Variants in DLG2 observed in about 807,000 individuals in gnomAD.
DLG2 encodes the protein discs large MAGUK scaffold protein 2.
Under a neutral mutation model 132.5 loss-of-function variants are expected in DLG2, and 45 were observed. The observed-to-expected ratio is 0.34, with a 90% CI of 0.27 to 0.44. DLG2 has a LOEUF of 0.44. Among genes scored for constraint, DLG2 ranks in the 20% least tolerant of loss-of-function variants. The pLI is 1.00. For synonymous variants in DLG2, 424 were observed against 419.6 expected (o/e 1.01, Z -0.13); for missense variants, 1,045 against 1,196.9 (o/e 0.87, Z 1.87).
At chr11:84,972,416 A>G (rs1199946560) in intron 6 of DLG2, among the ~76,000 whole-genome samples, 2 of 152,252 alleles carry the variant, frequency 1.3e-5, no homozygotes, top group African/African-American at 4.8e-5. Context: ...TCAGTTTTGA[A>G]GGGAGCTGGT....
intron 3 of DLG2, among the ~76,000 whole-genome samples, chr11:85,498,036 A>C (rs1483711239): frequency 2.0e-5 from 3 of 152,166 alleles, no homozygotes; most frequent in Non-Finnish European, 4.4e-5. Flanking sequence ...AGGCAAAATA[A>C]CCAGCTACCA....
intron 19 of DLG2, among the ~76,000 whole-genome samples, chr11:83,577,149 A>G (rs1341844301): frequency 1.3e-5 from 2 of 152,010 alleles, no homozygotes; most frequent in Admixed American, 1.3e-4. Flanking sequence ...CTCCCAGCCT[A>G]CATCTTTCTC....
chr11:84,102,560 C>T (rs1224774753), intron 9 of DLG2, among the ~76,000 whole-genome samples: 2 of 152,256 alleles, frequency 1.3e-5, no homozygotes, highest in South Asian at 4.1e-4. Flanking sequence ...TAATAAGACA[C>T]AACTGTTCAG....
At chr11:83,790,092 G>A in intron 17 of DLG2, 3 of 1,022,254 alleles carry the variant, frequency 2.9e-6, no homozygotes, top group Non-Finnish European at 4.3e-6. Flanking sequence ...GAGTGTACCT[G>A]CATGAACCGA....
intron 6 of DLG2, among the ~76,000 whole-genome samples, chr11:85,002,939 C>G (rs2058340572): frequency 6.6e-6 from 1 of 151,860 alleles, no homozygotes; most frequent in East Asian, 1.9e-4. Context: ...TTTCTATTCT[C>G]CAGCTTAATT....
chr11:84,590,217 G>A (rs144504966), intron 6 of DLG2, among the ~76,000 whole-genome samples: 1 of 152,130 alleles, frequency 6.6e-6, no homozygotes, highest in South Asian at 2.1e-4. Flanking sequence ...GTCCAAATGG[G>A]ATCAGCTCCT....
intron 6 of DLG2, among the ~76,000 whole-genome samples, chr11:84,658,114 CCCTTCTTCCTT>C (rs1274856227): frequency 1.3e-5 from 2 of 152,054 alleles, no homozygotes; most frequent in African/African-American, 4.8e-5. Context: ...GCTTCTTTCT[CCCTTCTTCCTT>C]CCTTCTTACT....
intron 16 of DLG2, among the ~76,000 whole-genome samples, chr11:83,850,421 G>A (rs138055878): frequency 1.3e-5 from 2 of 152,110 alleles, no homozygotes; most frequent in Non-Finnish European, 2.9e-5. Context: ...CCAAAGTGCT[G>A]GGATTACAGT....
chr11:83,773,215 C>T (rs2094465137), intron 18 of DLG2, among the ~76,000 whole-genome samples: 1 of 152,162 alleles, frequency 6.6e-6, no homozygotes, highest in African/African-American at 2.4e-5. Context: ...AGTTGTGTGA[C>T]CTTGAGCGAG....
intron 6 of DLG2, among the ~76,000 whole-genome samples, chr11:84,900,438 T>C (rs910501956): frequency 7.2e-5 from 11 of 152,194 alleles, no homozygotes; most frequent in East Asian, 1.9e-4. Context: ...GTCTTCAAGA[T>C]ACTTTTACTC....
chr11:84,631,047 C>T (rs1297275133), intron 6 of DLG2, among the ~76,000 whole-genome samples: 2 of 148,994 alleles, frequency 1.3e-5, no homozygotes, highest in Admixed American at 1.3e-4. Flanking sequence ...CACACACACA[C>T]ACACACACAC....
intron 18 of DLG2, among the ~76,000 whole-genome samples, chr11:83,668,867 A>ATATATTT (rs768513119): frequency 9.1e-6 from 1 of 110,376 alleles, no homozygotes; most frequent in African/African-American, 3.6e-5. Flanking sequence ...ATATATATAT[A>ATATATTT]TTTTTTTTTT....
intron 17 of DLG2, among the ~76,000 whole-genome samples, chr11:83,832,762 A>C (rs2054931765): frequency 6.6e-6 from 1 of 152,120 alleles, no homozygotes; most frequent in South Asian, 2.1e-4. Context: ...TAAAAGTTGA[A>C]ATTATTAAAA....
chr11:84,930,219 T>G (rs1284168301), intron 6 of DLG2, among the ~76,000 whole-genome samples: 1 of 152,160 alleles, frequency 6.6e-6, no homozygotes, highest in African/African-American at 2.4e-5. Flanking sequence ...ATGTATTATT[T>G]GTATTGCCCA....
At chr11:84,781,495 G>A (rs1440892134) in intron 6 of DLG2, among the ~76,000 whole-genome samples, 1 of 151,804 alleles carries the variant, frequency 6.6e-6, no homozygotes, top group East Asian at 1.9e-4. Flanking sequence ...AGAATACTAA[G>A]AGGAAAACGA....
intron 6 of DLG2, among the ~76,000 whole-genome samples, chr11:84,644,754 C>T (rs1036428773): frequency 1.3e-5 from 2 of 149,252 alleles, no homozygotes; most frequent in East Asian, 3.9e-4. Flanking sequence ...ATTTTTTAAG[C>T]AGACCAAGAA....
rs139116138 is a variant in DLG2 at position 85,432,096 on chromosome 11, A to G, written c.41-146731T>C. ...TACCGAAGAGGAACCTGACTGTTGA[A>G]AGAAAAACAAACAAACAGAAAGCAA... On this transcript the variant is annotated intron_variant, in intron 3 of 27. Coordinates refer to ENST00000376104, the MANE Select transcript of DLG2 (RefSeq NM_001142699.3). Among the ~76,000 whole-genome samples the G allele has an allele frequency of 8.0e-3, 1,212 of 152,344 alleles. 11 individuals are homozygous for G. The highest frequency in any genetic ancestry group is 8.9e-3 in the Non-Finnish European group (606 of 68,036).
At chr11:85,464,209 G>A (rs2092709427) in intron 3 of DLG2, among the ~76,000 whole-genome samples, 2 of 152,090 alleles carry the variant, frequency 1.3e-5, no homozygotes, top group Non-Finnish European at 2.9e-5. Context: ...AATATTCTAT[G>A]CATTTTGTAA....
intron 3 of DLG2, among the ~76,000 whole-genome samples, chr11:85,454,218 A>C (rs1295628967): frequency 6.6e-6 from 1 of 150,780 alleles, no homozygotes; most frequent in Non-Finnish European, 1.5e-5. Flanking sequence ...TTACTTTTTG[A>C]GTTTTAATAA....
Sources: gnomAD v4.1 joint callset for allele counts (sites outside exome capture counted in the v4.1 genomes callset) on GRCh38, gnomAD v4.1.1 for gene constraint, MANE v1.5 for transcripts, NCBI Gene and HGNC (gene_info 2026-07-23, HGNC 2026-07-21) for gene names.